The following MAGI2 variants were observed in gnomAD, a reference collection of about 807,000 sequenced individuals.
The protein encoded by MAGI2 is membrane associated guanylate kinase, WW and PDZ domain containing 2, also known as membrane-associated guanylate kinase, WW and PDZ domain-containing protein 2.
MAGI2 carries 35 observed loss-of-function variants against 133.3 expected under a neutral mutation model. The observed-to-expected ratio is 0.26, with a 90% CI of 0.20 to 0.35. MAGI2 has a LOEUF of 0.35. Among genes scored for constraint, MAGI2 ranks in the 10% least tolerant of loss-of-function variants. The pLI, the probability that MAGI2 is intolerant of heterozygous loss-of-function variation, is 1.00. For missense variants in MAGI2, 1,636 were observed against 1,863.4 expected (o/e 0.88, Z 2.25); for synonymous variants, 729 against 710.6 (o/e 1.03, Z -0.41).
chr7:78,656,823 AT>A (rs751221187), intron 2 of MAGI2, among the ~76,000 whole-genome samples: 2 of 152,168 alleles, frequency 1.3e-5, no homozygotes, highest in Non-Finnish European at 2.9e-5. Context: ...AAATAAAAAA[AT>A]AAGTTTAAAA....
At chr7:79,257,635 G>A (rs1210936778) in intron 1 of MAGI2, among the ~76,000 whole-genome samples, 1 of 152,124 alleles carries the variant, frequency 6.6e-6, no homozygotes, top group Non-Finnish European at 1.5e-5. Context: ...ATTTTAGAGA[G>A]TAACATCCAA....
rs941439053 is a variant in MAGI2 at position 79,183,950 on chromosome 7, T to C, written c.302-176744A>G. ...TTTTTTAAAGTTGACTTTATAGAAGTAGAGAGTAGAATGATGGGTACCAGA... is the reference window on the plus strand; with the variant it reads ...TTTTTTAAAGTTGACTTTATAGAAGCAGAGAGTAGAATGATGGGTACCAGA... On this transcript the variant is annotated intron_variant, in intron 1 of 21. Coordinates refer to ENST00000354212, the MANE Select transcript of MAGI2 (RefSeq NM_012301.4). Among the ~76,000 whole-genome samples, 18 of 150,702 alleles carry C rather than the reference T, an allele frequency of 1.2e-4. 1 individual carries two copies. The highest frequency in any genetic ancestry group is 4.0e-4 in the Admixed American group (6 of 15,094).
chr7:79,093,817 T>A (rs1427131798), intron 1 of MAGI2, among the ~76,000 whole-genome samples: 2 of 151,102 alleles, frequency 1.3e-5, no homozygotes, highest in African/African-American at 4.9e-5. Flanking sequence ...TGGGTTCAAG[T>A]GATTCTCCCA....
At position 78,135,185 on chromosome 7, in the gene MAGI2, C is replaced by T. The variant is rs752262371; in HGVS notation, c.2867G>A (p.Arg956His). The T allele has an allele frequency of 2.5e-6, 4 of 1,613,930 alleles. No homozygotes were observed. Among genetic ancestry groups the T allele is most frequent in the Non-Finnish European group, 2.5e-6 (3 of 1,179,972 alleles). ...STITVPHKIG[R>H]IIDGSPADRC... The stretch of plus-strand genomic sequence containing the variant: ...ATCTGCAGGACTCCCATCAATGATG[C>T]GTCCGATTTTATGGGGCACAGCTAA... Residue 956 changes from arginine (R) to histidine (H), a missense_variant, in exon 17 of 22, where the codon CGC becomes CAC. Physicochemically the swap from Arg to His is conservative, Grantham distance 29 (BLOSUM62 0). Coordinates refer to ENST00000354212, the MANE Select transcript of MAGI2 (RefSeq NM_012301.4).
chr7:78,625,615 C>T (rs1183035928), intron 3 of MAGI2, among the ~76,000 whole-genome samples: 1 of 152,132 alleles, frequency 6.6e-6, no homozygotes, highest in Non-Finnish European at 1.5e-5. Context: ...TTTCCTAGGC[C>T]TTCACATTCA....
chr7:79,186,191 A>AATATATATATATAT (rs60719172), intron 1 of MAGI2, among the ~76,000 whole-genome samples: 112 of 111,698 alleles, frequency 1.0e-3, no homozygotes, highest in South Asian at 2.3e-3. Context: ...TGCCTGGGAA[A>AATATATATATATAT]ATATATATAT....
At chr7:78,521,724 A>G in intron 3 of MAGI2, 79 bp from the exon 4 acceptor site, 1 of 1,196,252 alleles carries the variant, frequency 8.4e-7, no homozygotes, top group Non-Finnish European at 1.2e-6. Flanking sequence ...TGGAAATTAT[A>G]TTAACACATT....
intron 2 of MAGI2, among the ~76,000 whole-genome samples, chr7:78,909,486 C>T (rs574894149): frequency 5.4e-4 from 81 of 150,166 alleles, no homozygotes; most frequent in Non-Finnish European, 7.2e-4. Context: ...GCCTGTACTT[C>T]CAGCTATTCC....
chr7:79,412,318 A>C (rs1227396517), intron 1 of MAGI2: 1 of 152,170 alleles, frequency 6.6e-6, no homozygotes, highest in Non-Finnish European at 1.5e-5. Flanking sequence ...GTAAATATAT[A>C]AGTATTTAAA....
At chr7:78,053,866 C>T (rs917858674) in intron 21 of MAGI2, among the ~76,000 whole-genome samples, 6 of 152,124 alleles carry the variant, frequency 3.9e-5, no homozygotes, top group African/African-American at 1.4e-4. Flanking sequence ...GATTTTGTTG[C>T]ATTCTGTTCA....
intron 6 of MAGI2, among the ~76,000 whole-genome samples, chr7:78,435,798 C>T (rs1000375309): frequency 1.8e-4 from 27 of 152,168 alleles, no homozygotes; most frequent in African/African-American, 6.5e-4. Context: ...CAAACAGTTC[C>T]TTGCTAAAGG....
chr7:78,113,186 G>A (rs150539864), intron 20 of MAGI2, among the ~76,000 whole-genome samples: 2 of 149,620 alleles, frequency 1.3e-5, no homozygotes, highest in Non-Finnish European at 3.0e-5. Flanking sequence ...AACACGCAGG[G>A]CCTGGCAGCC....
intron 21 of MAGI2, among the ~76,000 whole-genome samples, chr7:78,043,820 GT>G (rs1811112129): frequency 1.3e-5 from 2 of 152,178 alleles, no homozygotes; most frequent in Admixed American, 1.3e-4. Context: ...AGAGGTGTAA[GT>G]TTCAGCCTCA....
intron 1 of MAGI2, among the ~76,000 whole-genome samples, chr7:79,422,639 G>C (rs1847049910): frequency 6.6e-6 from 1 of 151,876 alleles, no homozygotes; most frequent in African/African-American, 2.4e-5. Flanking sequence ...CAATAAACTT[G>C]CATTTTTTGT....
At chr7:78,297,766 G>T (rs1797418094) in intron 9 of MAGI2, among the ~76,000 whole-genome samples, 1 of 148,116 alleles carries the variant, frequency 6.8e-6, no homozygotes, top group Non-Finnish European at 1.5e-5. Context: ...ACTCATAGGT[G>T]GGAATTGAAC....
At chr7:78,924,910 C>T (rs960290810) in intron 2 of MAGI2, among the ~76,000 whole-genome samples, 1 of 151,152 alleles carries the variant, frequency 6.6e-6, no homozygotes, top group Admixed American at 6.6e-5. Flanking sequence ...TTTAAAGTCC[C>T]CTACTTTTAC....
intron 1 of MAGI2, among the ~76,000 whole-genome samples, chr7:79,173,909 AGTGT>A (rs1341208101): frequency 6.6e-6 from 1 of 152,140 alleles, no homozygotes; most frequent in Non-Finnish European, 1.5e-5. Context: ...AGAAGAATTC[AGTGT>A]GTCATATTTT....
chr7:79,397,373 CCT>C lies in MAGI2; in HGVS notation c.301+55645_301+55646del, dbSNP rs566670217. ...TCATTTTAATAGGTGCCTAAAATTC[CCT>C]GTTTGAATTTCCCCCGTTTAGTTCC... is the stretch of plus-strand genomic sequence containing the variant. On this transcript the variant is annotated intron_variant, in intron 1 of 21. Transcript: ENST00000354212. Among the ~76,000 whole-genome samples, 760 of 151,566 alleles carry C rather than the reference CCT, an allele frequency of 5.0e-3. 5 individuals are homozygous for C. The highest frequency in any genetic ancestry group is 8.6e-3 in the Non-Finnish European group (583 of 67,832).
intron 6 of MAGI2, among the ~76,000 whole-genome samples, chr7:78,476,023 T>G (rs1170711685): frequency 6.6e-6 from 1 of 151,878 alleles, no homozygotes; most frequent in Non-Finnish European, 1.5e-5. Flanking sequence ...CATACTATCT[T>G]CCCCACTATA....
Sources: gnomAD v4.1 joint callset for allele counts (sites outside exome capture counted in the v4.1 genomes callset) on GRCh38, gnomAD v4.1.1 for gene constraint, MANE v1.5 for transcripts, NCBI Gene and HGNC (gene_info 2026-07-23, HGNC 2026-07-21) for gene names.